OTULIN: variants seen among roughly 807,000 people sequenced by gnomAD.
OTULIN encodes OTU deubiquitinase with linear linkage specificity.
OTULIN carries 15 observed loss-of-function variants against 39.6 expected under a neutral mutation model. The observed-to-expected ratio is 0.38, with a 90% CI of 0.25 to 0.58. The LOEUF is 0.58. OTULIN is among the 20% of genes least tolerant of loss of function. The pLI is 0.66. For missense variants in OTULIN, 319 were observed against 445.9 expected, an observed-to-expected ratio of 0.72 and a Z score of 2.56; for synonymous variants, 156 against 170.3, an observed-to-expected ratio of 0.92 and a Z score of 0.65.
chr5:14,710,789 G>A, the OTULIN span: 1 of 229,844 alleles, frequency 4.4e-6, no homozygotes, highest in Non-Finnish European at 8.8e-6. Context: ...TGATTCTTAA[G>A]AGCGATGAAG....
At position 14,695,382 on chromosome 5, in the gene OTULIN, T is replaced by G. The variant is rs957690426; in HGVS notation, c.*2334T>G. 2 of 152,240 alleles carry G rather than the reference T, an allele frequency of 1.3e-5. No individual in the cohort carries two copies. The highest frequency in any genetic ancestry group is 4.8e-5 in the African/African-American group (2 of 41,468). The allele number at this position is 152,240 out of a possible 1,614,324, so 9.4% of individuals were successfully genotyped here. A position where few individuals can be genotyped will look rare whatever the true frequency, so the allele number is the denominator to read the frequency against. On this transcript the variant is annotated 3_prime_UTR_variant, in exon 7 of 7. Coordinates refer to ENST00000284274, the MANE Select transcript of OTULIN (RefSeq NM_138348.6). ...AGCAGATTAGAAGTTGAATGGAGAT[T>G]AAGTGGATTCAGGAGGATGTTCCAC...
rs546906239 is a variant in OTULIN, at chr5:14,680,885, C to T, written c.325-579C>T. 1.1e-3 allele frequency among the ~76,000 whole-genome samples: 165 copies of T among 152,260 alleles called. 1 individual carries two copies. Among genetic ancestry groups the T allele is most frequent in the Middle Eastern group, 3.4e-3 (1 of 294 alleles). On this transcript the variant is annotated intron_variant, in intron 3 of 6. Transcript: ENST00000284274. ...ACCAGCCTGGCCAACATGATGAAATCCTGTCACTACTAAAAATACAAAAAA... is the reference window on the plus strand; with the variant it reads ...ACCAGCCTGGCCAACATGATGAAATTCTGTCACTACTAAAAATACAAAAAA...
chr5:14,711,779 C>G, the OTULIN span, among the ~76,000 whole-genome samples: 1 of 152,240 alleles, frequency 6.6e-6, no homozygotes, highest in East Asian at 1.9e-4. Flanking sequence ...TACTGCCTGT[C>G]CTAGTTCCTG....
At chr5:14,713,645 G>T in the OTULIN span, 1 of 1,614,132 alleles carries the variant, frequency 6.2e-7, no homozygotes, top group Non-Finnish European at 8.5e-7. The surrounding 1 kb of genome is among the most constrained non-coding windows in gnomAD (Gnocchi z 4.4). Flanking sequence ...TCAGCCACCC[G>T]GTGAGATGCG....
At chr5:14,692,448 CATT>C (rs1450939821) in intron 6 of OTULIN, among the ~76,000 whole-genome samples, 2 of 152,172 alleles carry the variant, frequency 1.3e-5, no homozygotes, top group African/African-American at 4.8e-5. Flanking sequence ...AGTACTATCT[CATT>C]GTAGTTGGAT....
the OTULIN span, chr5:14,711,058 G>A: frequency 4.5e-5 from 36 of 791,656 alleles, 2 homozygotes; most frequent in Middle Eastern, 6.8e-4. Context: ...GAATTGACAC[G>A]AAACCTTTAA....
chr5:14,690,407 C>A lies in OTULIN; in HGVS notation c.864+99C>A. The A allele has an allele frequency of 7.0e-7, 1 of 1,420,618 alleles. No homozygotes were observed. The highest frequency in any genetic ancestry group is 9.5e-7 in the Non-Finnish European group (1 of 1,048,594). 88.0% of individuals were successfully genotyped at this position (1,420,618 alleles called of 1,614,324 possible). On this transcript the variant is annotated intron_variant, in intron 6 of 6. Coordinates refer to ENST00000284274, the MANE Select transcript of OTULIN (RefSeq NM_138348.6). This position sits in a 1 kb window ranked among gnomAD's most constrained non-coding sequence, Gnocchi z 4.5. Reference sequence around the variant, plus strand: ...TTGTAGGTCAGAAATTCAGGGACAGCTTAGTTGGATGGTTCTGGCTCAGGA... The same window carrying A: ...TTGTAGGTCAGAAATTCAGGGACAGATTAGTTGGATGGTTCTGGCTCAGGA...
At chr5:14,688,132 A>G (rs767727225) in intron 5 of OTULIN, among the ~76,000 whole-genome samples, 7 of 152,168 alleles carry the variant, frequency 4.6e-5, no homozygotes, top group Non-Finnish European at 1.0e-4. Context: ...CTGAAACAGA[A>G]TTGTAGGGAG....
chr5:14,710,364 A>G, the OTULIN span: 5 of 152,274 alleles, frequency 3.3e-5, no homozygotes, highest in African/African-American at 1.2e-4. Flanking sequence ...AGCCTTCAGG[A>G]AAAGTCATGC....
Position 14,698,304 on chromosome 5 carries a change from GC to G in OTULIN, c.*5257del, listed in dbSNP as rs1227936953. The G allele has an allele frequency of 6.6e-6, 1 of 152,234 alleles. No homozygotes were observed. Among genetic ancestry groups the G allele is most frequent in the African/African-American group, 2.4e-5 (1 of 41,458 alleles). 9.4% of individuals were successfully genotyped at this position (152,234 alleles called of 1,614,324 possible). ...TGTGAACCTGGCAGCGCTCATCTTG[GC>G]TTGTTTAGCAGTGCCTCTGTTTACA... On this transcript the variant is annotated 3_prime_UTR_variant, in exon 7 of 7. Coordinates refer to ENST00000284274, the MANE Select transcript of OTULIN (RefSeq NM_138348.6).
the OTULIN span, among the ~76,000 whole-genome samples, chr5:14,716,060 C>T: frequency 1.3e-5 from 2 of 152,142 alleles, no homozygotes; most frequent in East Asian, 1.9e-4. Flanking sequence ...TTTTGGTGCA[C>T]AGTTTTGAGA....
the OTULIN span, among the ~76,000 whole-genome samples, chr5:14,715,046 T>C: frequency 4.1e-4 from 63 of 152,226 alleles, no homozygotes; most frequent in Non-Finnish European, 8.8e-4. Flanking sequence ...TCCATTTCTG[T>C]CACAGCCCAG....
intron 5 of OTULIN, 93 bp from the exon 6 acceptor site, chr5:14,689,946 C>T: frequency 7.3e-7 from 1 of 1,375,116 alleles, no homozygotes; most frequent in Non-Finnish European, 9.9e-7. Context: ...CCCATGGTCA[C>T]TTTTAAAAAA....
At chr5:14,707,776 C>G in the OTULIN span, 1 of 152,192 alleles carries the variant, frequency 6.6e-6, no homozygotes, top group Non-Finnish European at 1.5e-5. Flanking sequence ...TTAAATGTTT[C>G]AGTTTCTTAG....
chr5:14,711,599 A>T, the OTULIN span, among the ~76,000 whole-genome samples: 1 of 152,108 alleles, frequency 6.6e-6, no homozygotes, highest in Non-Finnish European at 1.5e-5. Context: ...GCCCTTTCCA[A>T]TGAGGGCTGC....
chr5:14,664,773 G>T lies in OTULIN; in HGVS notation c.-53G>T. 1 of 1,131,814 alleles carries T rather than the reference G, an allele frequency of 8.8e-7. No individual in the cohort carries two copies. The highest frequency in any genetic ancestry group is 4.4e-5 in the East Asian group (1 of 22,582). 70.1% of individuals were successfully genotyped at this position (1,131,814 alleles called of 1,614,324 possible). ...GCCACTGCCTGGCACCCCGACGGGA[G>T]GGGCTCCGGATCGTTCGGAGCCGGC... On this transcript the variant is annotated 5_prime_UTR_variant, in exon 1 of 7. In the 5' UTR this introduces an upstream ATG that the reference lacks. Coordinates refer to ENST00000284274, the MANE Select transcript of OTULIN (RefSeq NM_138348.6).
At chr5:14,708,442 A>G in the OTULIN span, 2 of 152,332 alleles carry the variant, frequency 1.3e-5, no homozygotes, top group African/African-American at 2.4e-5. Flanking sequence ...ATGCCCTACA[A>G]TGAAAAATAA....
chr5:14,707,346 G>GA, the OTULIN span: 1 of 151,460 alleles, frequency 6.6e-6, no homozygotes, highest in East Asian at 1.9e-4. Context: ...TGTGTTCCTA[G>GA]AAACCAAGGA....
intron 4 of OTULIN, 93 bp from the exon 5 acceptor site, chr5:14,687,428 T>A (rs996792126): frequency 7.0e-7 from 1 of 1,421,098 alleles, no homozygotes; most frequent in Admixed American, 2.3e-5. Flanking sequence ...AAGTTAGGTT[T>A]TATAGACTTT....
Sources: gnomAD v4.1 joint callset for allele counts (sites outside exome capture counted in the v4.1 genomes callset) on GRCh38, gnomAD v4.1.1 for gene constraint, Gnocchi (gnomAD v3.1) non-coding constraint, MANE v1.5 for transcripts, NCBI Gene and HGNC (gene_info 2026-07-23, HGNC 2026-07-21) for gene names.